Variants in LRRC4C observed in about 807,000 individuals in gnomAD.
LRRC4C encodes leucine rich repeat containing 4C, also known as leucine-rich repeat-containing protein 4C.
A neutral mutation model predicts 33.6 loss-of-function variants in LRRC4C; 5 were observed. The ratio of observed to expected loss-of-function variants is 0.15; its 90% CI spans 0.08 to 0.31. The LOEUF is 0.31. LRRC4C is among the 10% of genes least tolerant of loss of function. LRRC4C has a pLI of 1.00. For missense variants in LRRC4C, 560 were observed against 796.7 expected (o/e 0.70, Z 3.58); for synonymous variants, 329 against 302.0 (o/e 1.09, Z -0.93).
intron 3 of LRRC4C, among the ~76,000 whole-genome samples, chr11:40,515,100 C>A (rs1178398676): frequency 2.0e-5 from 3 of 152,040 alleles, no homozygotes; most frequent in East Asian, 1.9e-4. Flanking sequence ...TATTCTCAAA[C>A]AAAACGACTT....
chr11:40,723,441 T>TG (rs1218341526), intron 2 of LRRC4C, among the ~76,000 whole-genome samples: 2 of 152,142 alleles, frequency 1.3e-5, no homozygotes, highest in Non-Finnish European at 2.9e-5. Context: ...CTGAAGAGAT[T>TG]GGGGGCCTAT....
intron 2 of LRRC4C, among the ~76,000 whole-genome samples, chr11:40,710,983 G>T (rs1037347372): frequency 6.6e-6 from 1 of 152,196 alleles, no homozygotes; most frequent in African/African-American, 2.4e-5. Flanking sequence ...CTCTGTGGGT[G>T]TGGGACCCGC....
At chr11:40,707,285 C>T (rs1007737778) in intron 2 of LRRC4C, among the ~76,000 whole-genome samples, 4 of 152,096 alleles carry the variant, frequency 2.6e-5, no homozygotes, top group Admixed American at 6.5e-5. Flanking sequence ...CCCTGTCTTG[C>T]ACCAGTTTTC....
chr11:40,645,533 C>T (rs762000749), intron 3 of LRRC4C, among the ~76,000 whole-genome samples: 8 of 152,074 alleles, frequency 5.3e-5, no homozygotes, highest in Non-Finnish European at 1.0e-4. Context: ...ACAATGTCGC[C>T]CTGTTTATTC....
At chr11:40,984,893 C>CTT (rs562785410) in intron 1 of LRRC4C, among the ~76,000 whole-genome samples, 531 of 52,202 alleles carry the variant, frequency 0.01, 94 homozygotes, top group African/African-American at 0.03. Context: ...CTCACTGACA[C>CTT]TTTTTTTTTT....
chr11:41,172,850 A>C (rs1341996125), intron 1 of LRRC4C, among the ~76,000 whole-genome samples: 1 of 152,182 alleles, frequency 6.6e-6, no homozygotes, highest in Non-Finnish European at 1.5e-5. Flanking sequence ...AGAATTCTTA[A>C]TGTAGTAAAG....
chr11:40,881,809 A>G (rs968572293), intron 2 of LRRC4C, among the ~76,000 whole-genome samples: 5 of 152,062 alleles, frequency 3.3e-5, no homozygotes, highest in African/African-American at 1.2e-4. Context: ...TTCTCATGAC[A>G]AAATATCTCT....
At chr11:41,004,844 T>C (rs1179837610) in intron 1 of LRRC4C, among the ~76,000 whole-genome samples, 4 of 152,152 alleles carry the variant, frequency 2.6e-5, no homozygotes, top group Non-Finnish European at 4.4e-5. Flanking sequence ...AGGTATACAC[T>C]ACCAATGGCT....
At chr11:40,966,467 A>G (rs959402616) in intron 1 of LRRC4C, among the ~76,000 whole-genome samples, 3 of 152,080 alleles carry the variant, frequency 2.0e-5, no homozygotes, top group South Asian at 2.1e-4. Context: ...AAGGCTTCAG[A>G]TATCTGTGCC....
intron 2 of LRRC4C, among the ~76,000 whole-genome samples, chr11:40,770,877 C>T (rs566948770): frequency 6.6e-6 from 1 of 152,270 alleles, no homozygotes; most frequent in African/African-American, 2.4e-5. Context: ...GGCAGCTCCA[C>T]TCCTGTGGCT....
At chr11:40,224,502 G>A (rs1590754739) in intron 5 of LRRC4C, among the ~76,000 whole-genome samples, 1 of 152,238 alleles carries the variant, frequency 6.6e-6, no homozygotes, top group African/African-American at 2.4e-5. Flanking sequence ...ATGCAACATA[G>A]CCCAAAGATC....
chr11:40,925,145 C>CTCTCTT (rs1471383781), intron 2 of LRRC4C, among the ~76,000 whole-genome samples: 1 of 151,910 alleles, frequency 6.6e-6, no homozygotes, highest in Non-Finnish European at 1.5e-5. Context: ...CTCTCTCTCT[C>CTCTCTT]TTTCCTGTGT....
chr11:41,239,779 C>G (rs959318401), intron 1 of LRRC4C, among the ~76,000 whole-genome samples: 1 of 152,082 alleles, frequency 6.6e-6, no homozygotes, highest in Non-Finnish European at 1.5e-5. Context: ...TAATATATCC[C>G]CAGCACCCAG....
At chr11:40,494,419 C>A (rs567565051) in intron 3 of LRRC4C, among the ~76,000 whole-genome samples, 1 of 152,088 alleles carries the variant, frequency 6.6e-6, no homozygotes, top group East Asian at 1.9e-4. Flanking sequence ...CAGAAACTTG[C>A]ATTTCAAGAT....
intron 1 of LRRC4C, among the ~76,000 whole-genome samples, chr11:41,271,134 C>T (rs541669531): frequency 1.3e-5 from 2 of 152,224 alleles, no homozygotes; most frequent in South Asian, 4.1e-4. Context: ...TGGGGGGACA[C>T]TGTTCAATCC....
chr11:40,842,616 T>G (rs1244000319), intron 2 of LRRC4C, among the ~76,000 whole-genome samples: 1 of 152,200 alleles, frequency 6.6e-6, no homozygotes, highest in Non-Finnish European at 1.5e-5. Context: ...ATGGTCACTG[T>G]ATTGTCAAAC....
chr11:40,266,961 CCACA>C lies in LRRC4C; in HGVS notation c.-175-25367_-175-25364del, dbSNP rs1333299751. The stretch of plus-strand genomic sequence containing the variant: ...CACACCCACCCACCCACCCACCCAC[CCACA>C]CACACACAGTCTTTACTTCTCTTTG... On this transcript the variant is annotated intron_variant, in intron 4 of 6. Coordinates refer to ENST00000528697, the MANE Select transcript of LRRC4C (RefSeq NM_001258419.2). 1.5e-3 allele frequency among the ~76,000 whole-genome samples: 202 copies of C among 132,112 alleles called. 1 individual carries two copies. The South Asian group carries it at 0.022, about 15-fold the overall frequency. 86.7% of individuals were successfully genotyped at this position (132,112 alleles called of 152,430 possible). A position where few individuals can be genotyped will look rare whatever the true frequency, so the allele number is the denominator to read the frequency against.
intron 1 of LRRC4C, among the ~76,000 whole-genome samples, chr11:41,390,084 T>C (rs1953529658): frequency 6.6e-6 from 1 of 151,904 alleles, no homozygotes; most frequent in African/African-American, 2.4e-5. Flanking sequence ...AATATTAATA[T>C]ATGAATAAAA....
intron 1 of LRRC4C, among the ~76,000 whole-genome samples, chr11:41,251,985 T>C (rs141561637): frequency 8.7e-4 from 132 of 152,214 alleles, no homozygotes; most frequent in African/African-American, 3.1e-3. Flanking sequence ...ACTTCAGATA[T>C]ATGCATGCCA....
Sources: gnomAD v4.1 joint callset for allele counts (sites outside exome capture counted in the v4.1 genomes callset) on GRCh38, gnomAD v4.1.1 for gene constraint, MANE v1.5 for transcripts, NCBI Gene and HGNC (gene_info 2026-07-23, HGNC 2026-07-21) for gene names.